The following CPEB3 variants were observed in gnomAD, a reference collection of about 807,000 sequenced individuals.
CPEB3 encodes the protein cytoplasmic polyadenylation element-binding protein 3.
A neutral mutation model predicts 67.2 loss-of-function variants in CPEB3; 20 were observed. That is an observed-to-expected ratio of 0.30 (90% CI 0.21 to 0.43). The LOEUF (loss-of-function observed/expected upper bound fraction) is 0.43. Among genes scored for constraint, CPEB3 ranks in the 20% least tolerant of loss-of-function variants. The pLI, the probability that CPEB3 is intolerant of heterozygous loss-of-function variation, is 1.00. For synonymous variants in CPEB3, 376 were observed against 393.1 expected, an observed-to-expected ratio of 0.96 and a Z score of 0.51; for missense variants, 746 against 968.6, an observed-to-expected ratio of 0.77 and a Z score of 3.05.
chr10:92,126,783 G>T (rs932829408), intron 6 of CPEB3, among the ~76,000 whole-genome samples: 6 of 152,168 alleles, frequency 3.9e-5, no homozygotes, highest in African/African-American at 1.4e-4. Context: ...TCAGGTTCAA[G>T]TCTGTCTAAC....
upstream of CPEB3, chr10:92,291,167 A>T (rs1719312321): frequency 4.4e-6 from 2 of 453,934 alleles, no homozygotes; most frequent in Non-Finnish European, 7.8e-6. Context: ...GGCGACTCTT[A>T]CCTCACAAAG....
chr10:92,058,063 C>T (rs910693172), intron 9 of CPEB3, among the ~76,000 whole-genome samples: 1 of 152,034 alleles, frequency 6.6e-6, no homozygotes, highest in Non-Finnish European at 1.5e-5. Flanking sequence ...GCATCAACAC[C>T]ATCCAGGAAA....
intron 3 of CPEB3, among the ~76,000 whole-genome samples, chr10:92,185,238 A>T (rs943487168): frequency 6.6e-6 from 1 of 152,166 alleles, no homozygotes; most frequent in Non-Finnish European, 1.5e-5. Context: ...GCTATCTTTT[A>T]AGTATAGTGT....
intron 6 of CPEB3, among the ~76,000 whole-genome samples, chr10:92,125,619 T>C (rs1384709745): frequency 6.6e-6 from 1 of 152,148 alleles, no homozygotes; most frequent in Non-Finnish European, 1.5e-5. Context: ...TGGAATATTT[T>C]CCCAGTGGGC....
intron 6 of CPEB3, 145 bp from the exon 7 acceptor site, chr10:92,111,339 G>A: frequency 1.5e-6 from 1 of 669,688 alleles, no homozygotes; most frequent in Non-Finnish European, 2.7e-6. Flanking sequence ...CTTTGTCCAG[G>A]AACTAAGTTA....
At chr10:92,216,501 A>G (rs1391806162) in intron 2 of CPEB3, 1 of 1,613,084 alleles carries the variant, frequency 6.2e-7, no homozygotes, top group Non-Finnish European at 8.5e-7. Context: ...GCGGTGAAGC[A>G]GAAGCAGATT....
rs1227432795 is a variant in CPEB3 at position 92,046,774 on chromosome 10, G to C, written c.*5438C>G. The C allele has an allele frequency of 2.0e-5, 3 of 152,256 alleles. No individual in the cohort carries two copies. The highest frequency in any genetic ancestry group is 4.4e-5 in the Non-Finnish European group (3 of 68,046). The allele number at this position is 152,256 out of a possible 1,614,324, so 9.4% of individuals were successfully genotyped here. A position where few individuals can be genotyped will look rare whatever the true frequency, so the allele number is the denominator to read the frequency against. On this transcript the variant is annotated 3_prime_UTR_variant, in exon 10 of 10. Coordinates refer to ENST00000265997, the MANE Select transcript of CPEB3 (RefSeq NM_014912.5). Reference sequence around the variant, plus strand: ...TACAAAGTTTAAGCAGTTGTAAGCAGTAGCTGCATTGAGCTCCATGTTTAG... The same window carrying C: ...TACAAAGTTTAAGCAGTTGTAAGCACTAGCTGCATTGAGCTCCATGTTTAG...
chr10:92,200,352 C>G (rs1349120913), intron 2 of CPEB3, among the ~76,000 whole-genome samples: 2 of 151,966 alleles, frequency 1.3e-5, no homozygotes, highest in Admixed American at 6.6e-5. Context: ...CGAGACCAGC[C>G]TGACCAACAT....
At chr10:92,280,385 G>GA (rs1276232248) in intron 1 of CPEB3, among the ~76,000 whole-genome samples, 4 of 99,280 alleles carry the variant, frequency 4.0e-5, no homozygotes, top group Non-Finnish European at 8.6e-5. Context: ...GAGAGAGAAA[G>GA]AAAAAAAACT....
chr10:92,079,433 T>G (rs1389182331), intron 9 of CPEB3, among the ~76,000 whole-genome samples: 1 of 152,184 alleles, frequency 6.6e-6, no homozygotes, highest in Non-Finnish European at 1.5e-5. Context: ...TAAAAATGCA[T>G]GGAGTTCAGT....
At chr10:92,063,725 C>T (rs867987745) in intron 9 of CPEB3, among the ~76,000 whole-genome samples, 2 of 151,534 alleles carry the variant, frequency 1.3e-5, no homozygotes, top group Middle Eastern at 3.4e-3. Context: ...GATCACACCA[C>T]TGCACTCCAG....
At chr10:92,216,341 A>C in intron 2 of CPEB3, 1 of 1,604,316 alleles carries the variant, frequency 6.2e-7, no homozygotes, top group South Asian at 1.1e-5. Flanking sequence ...GATGACCAAA[A>C]TAAAGGCAGA....
At position 92,139,224 on chromosome 10, in the gene CPEB3, C is replaced by T. The variant is rs550580521; in HGVS notation, c.1453+3805G>A. On this transcript the variant is annotated intron_variant, in intron 6 of 9. Coordinates refer to ENST00000265997, the MANE Select transcript of CPEB3 (RefSeq NM_014912.5). ...TCCCAGAGGTGGAGGTTGAAGTGAG[C>T]CAAGATTGTGCCATTGCACTCCAGC... Among the ~76,000 whole-genome samples, 5 of 150,454 alleles carry T rather than the reference C, an allele frequency of 3.3e-5. No individual in the cohort carries two copies. In the South Asian group the frequency reaches 8.4e-4, roughly 25 times the overall value.
At chr10:92,196,452 G>A (rs919861061) in intron 2 of CPEB3, among the ~76,000 whole-genome samples, 11 of 152,140 alleles carry the variant, frequency 7.2e-5, no homozygotes, top group African/African-American at 2.7e-4. Flanking sequence ...ATGCTTCTAA[G>A]CCTTGGTTAT....
intron 2 of CPEB3, among the ~76,000 whole-genome samples, chr10:92,230,530 T>C (rs1851218666): frequency 6.6e-6 from 1 of 152,240 alleles, no homozygotes; most frequent in South Asian, 2.1e-4. Context: ...AAAAGTAGGC[T>C]TTATTCCAAG....
chr10:92,057,996 G>A (rs1177500772), intron 9 of CPEB3, among the ~76,000 whole-genome samples: 6 of 152,184 alleles, frequency 3.9e-5, no homozygotes. Context: ...CCCAGACAGT[G>A]AAGACTACAA....
intron 2 of CPEB3, among the ~76,000 whole-genome samples, chr10:92,227,823 C>T (rs891453571): frequency 1.3e-5 from 2 of 152,098 alleles, no homozygotes; most frequent in African/African-American, 4.8e-5. Context: ...GATCTCCTGA[C>T]CTCGTGATCC....
intron 9 of CPEB3, among the ~76,000 whole-genome samples, chr10:92,063,308 GGTGC>G (rs1842427558): frequency 6.6e-6 from 1 of 152,196 alleles, no homozygotes; most frequent in African/African-American, 2.4e-5. Flanking sequence ...ACTATTCGCA[GGTGC>G]AGAATTCCTT....
intron 3 of CPEB3, among the ~76,000 whole-genome samples, chr10:92,186,660 C>T (rs1848707760): frequency 6.6e-6 from 1 of 152,106 alleles, no homozygotes; most frequent in Admixed American, 6.6e-5. Context: ...GTCTTGAAGT[C>T]CTGACCTCAA....
Sources: gnomAD v4.1 joint callset for allele counts (sites outside exome capture counted in the v4.1 genomes callset) on GRCh38, gnomAD v4.1.1 for gene constraint, MANE v1.5 for transcripts, NCBI Gene and HGNC (gene_info 2026-07-23, HGNC 2026-07-21) for gene names.